The following C4orf33 variants were observed in gnomAD, a reference collection of about 807,000 sequenced individuals.
C4orf33 encodes the protein UPF0462 protein C4orf33.
C4orf33 carries 20 observed loss-of-function variants against 24.3 expected under a neutral mutation model. The ratio of observed to expected loss-of-function variants is 0.82; its 90% CI spans 0.58 to 1.19. The LOEUF is 1.19. C4orf33 is among the 50% of genes most tolerant of loss of function. The probability of loss-of-function intolerance (pLI) is 0.00; values close to 1 mark genes in which losing one functional copy is unlikely to be tolerated. For synonymous variants in C4orf33, 67 were observed against 76.4 expected (o/e 0.88, Z 0.64); for missense variants, 207 against 225.9 (o/e 0.92, Z 0.54).
chr4:129,098,961 T>G (rs1315372770), intron 1 of C4orf33, among the ~76,000 whole-genome samples: 1 of 152,174 alleles, frequency 6.6e-6, no homozygotes, highest in Non-Finnish European at 1.5e-5. Context: ...TCACTTTTGT[T>G]GCCATCTTGG....
chr4:129,105,575 AT>A (rs1233735160), intron 2 of C4orf33, among the ~76,000 whole-genome samples: 1 of 152,198 alleles, frequency 6.6e-6, no homozygotes, highest in African/African-American at 2.4e-5. Flanking sequence ...CTATTTTATT[AT>A]AAAAATAACA....
chr4:129,113,084 C>A lies in C4orf33; in HGVS notation c.*1293C>A, dbSNP rs915458928. On this transcript the variant is annotated 3_prime_UTR_variant, in exon 6 of 6. Transcript: ENST00000425929. The stretch of plus-strand genomic sequence containing the variant: ...GAGCATCTTGATTTTAGAAGCGAAT[C>A]GAACACTGTGAATCACAGTTTCAGA... 2 of 151,952 alleles carry A rather than the reference C, an allele frequency of 1.3e-5. No individual in the cohort carries two copies. Among genetic ancestry groups the A allele is most frequent in the African/African-American group, 4.8e-5 (2 of 41,390 alleles). The allele number at this position is 151,952 out of a possible 1,614,324, so 9.4% of individuals were successfully genotyped here. A position where few individuals can be genotyped will look rare whatever the true frequency, so the allele number is the denominator to read the frequency against.
chr4:129,107,738 T>TA (rs1281371655), intron 3 of C4orf33, among the ~76,000 whole-genome samples: 3 of 152,186 alleles, frequency 2.0e-5, no homozygotes, highest in African/African-American at 4.8e-5. Flanking sequence ...TGCTTATTTT[T>TA]ACCCTACAGG....
rs1414409476 is a variant in C4orf33, at chr4:129,116,018, C to A, written c.*4227C>A. The stretch of plus-strand genomic sequence containing the variant: ...TTGACTATTGTAACTCTATTTTTTA[C>A]CAACTATCATTTTTCATGGAAGGAA... On this transcript the variant is annotated 3_prime_UTR_variant, in exon 6 of 6. Transcript: ENST00000425929. 2 of 151,112 alleles carry A rather than the reference C, an allele frequency of 1.3e-5. No homozygotes were observed. The highest frequency in any genetic ancestry group is 2.9e-5 in the Non-Finnish European group (2 of 67,810). 9.4% of individuals were successfully genotyped at this position (151,112 alleles called of 1,614,324 possible). A position where few individuals can be genotyped will look rare whatever the true frequency, so the allele number is the denominator to read the frequency against.
Position 129,112,640 on chromosome 4 carries a change from T to C in C4orf33, c.*849T>C, listed in dbSNP as rs1367475924. The C allele has an allele frequency of 6.6e-6, 1 of 152,210 alleles. No homozygotes were observed. The highest frequency in any genetic ancestry group is 1.5e-5 in the Non-Finnish European group (1 of 68,018). The allele number at this position is 152,210 out of a possible 1,614,324, so 9.4% of individuals were successfully genotyped here. ...TATGTAAATTAATTCCTTAATAAAA[T>C]ACTATTATAAAATAAGCTGTAAATT... On this transcript the variant is annotated 3_prime_UTR_variant, in exon 6 of 6. Coordinates refer to ENST00000425929, the MANE Select transcript of C4orf33 (RefSeq NM_001099783.2).
At position 129,109,632 on chromosome 4, in the gene C4orf33, G is replaced by T; in HGVS notation, c.454G>T (p.Val152Leu). The change falls in exon 5 of 6, where the codon GTA (valine) becomes TTA (leucine). Residue 152 changes from valine to leucine, a missense_variant. By Grantham distance (32) the Val-to-Leu change is conservative. Transcript: ENST00000425929. ...ACGAAGTTATGAAGCTCTTTACCCT[G>T]TACCTCAGCATGAACTGCAGCAAGG... ...DKRSYEALYP[V>L]PQHELQQGQK... is the part of the protein sequence containing the mutation. 1 of 1,613,964 alleles carries T rather than the reference G, an allele frequency of 6.2e-7. No individual in the cohort carries two copies. Among genetic ancestry groups the T allele is most frequent in the Non-Finnish European group, 8.5e-7 (1 of 1,179,982 alleles).
intron 1 of C4orf33, chr4:129,102,142 TAAATA>T (rs1415894554): frequency 4.6e-5 from 7 of 152,130 alleles, no homozygotes; most frequent in African/African-American, 1.7e-4. Context: ...CACTTTACAA[TAAATA>T]AAAGACAAAG....
At chr4:129,108,342 C>G (rs1367944362) in intron 3 of C4orf33, among the ~76,000 whole-genome samples, 1 of 152,022 alleles carries the variant, frequency 6.6e-6, no homozygotes, top group Non-Finnish European at 1.5e-5. Context: ...TTCTTAATGA[C>G]CTGGCTAGTC....
At chr4:129,096,613 C>G (rs1753214683) in intron 1 of C4orf33, among the ~76,000 whole-genome samples, 2 of 152,006 alleles carry the variant, frequency 1.3e-5, no homozygotes, top group Non-Finnish European at 2.9e-5. Flanking sequence ...TCCTTCGTTT[C>G]CTTTTAGAGG....
intron 1 of C4orf33, among the ~76,000 whole-genome samples, chr4:129,099,479 A>G (rs1396323498): frequency 1.3e-5 from 2 of 152,216 alleles, no homozygotes; most frequent in Non-Finnish European, 2.9e-5. Context: ...CTCCTGCACA[A>G]AATCTAGAGT....
In C4orf33 at chr4:129,112,064, G is replaced by C. The variant is rs1422036509; in HGVS notation, c.*273G>C. On this transcript the variant is annotated 3_prime_UTR_variant, in exon 6 of 6. Coordinates refer to ENST00000425929, the MANE Select transcript of C4orf33 (RefSeq NM_001099783.2). Reference sequence around the variant, plus strand: ...CCCAGCACACAGTACAGTTATTCTTGAAAACTACAAGTGAAAAAGGGGGAA... The same window carrying C: ...CCCAGCACACAGTACAGTTATTCTTCAAAACTACAAGTGAAAAAGGGGGAA... 1.2e-5 allele frequency: 3 copies of C among 240,796 alleles called. No homozygotes were observed. The highest frequency in any genetic ancestry group is 6.8e-5 in the African/African-American group (3 of 44,258). 14.9% of individuals were successfully genotyped at this position (240,796 alleles called of 1,614,324 possible).
chr4:129,104,900 A>C (rs990333794), intron 2 of C4orf33, among the ~76,000 whole-genome samples: 1 of 152,140 alleles, frequency 6.6e-6, no homozygotes, highest in African/African-American at 2.4e-5. Context: ...GAGAAGCTGC[A>C]AAAGTATTTG....
chr4:129,111,794 GTAA>G lies in C4orf33; in HGVS notation c.*6_*8del. On this transcript the variant is annotated 3_prime_UTR_variant, in exon 6 of 6. Coordinates refer to ENST00000425929, the MANE Select transcript of C4orf33 (RefSeq NM_001099783.2). ...TAATAGAGAAATGTGATATATAGGA[GTAA>G]TAGATAACCATACCGATCATTTTTT... 6.6e-7 allele frequency: 1 copy of G among 1,524,268 alleles called. No homozygotes were observed. The highest frequency in any genetic ancestry group is 2.3e-5 in the East Asian group (1 of 44,296). 94.4% of individuals were successfully genotyped at this position (1,524,268 alleles called of 1,614,324 possible).
rs1753746220 is a variant in C4orf33, at chr4:129,114,605, G to T, written c.*2814G>T. 6.6e-6 allele frequency: 1 copy of T among 152,208 alleles called. No homozygotes were observed. The highest frequency in any genetic ancestry group is 2.4e-5 in the African/African-American group (1 of 41,438). 9.4% of individuals were successfully genotyped at this position (152,208 alleles called of 1,614,324 possible). On this transcript the variant is annotated 3_prime_UTR_variant, in exon 6 of 6. Transcript: ENST00000425929. ...GCAGCCCTAGAAAGCCGTTCGTCAG[G>T]ATGAGAATCTAGAATTGTATCACAG...
rs1284333897 is a variant in C4orf33, at chr4:129,113,710, G to A, written c.*1919G>A. ...TGTAAGTCACAGTCTGAAGGGAAAT[G>A]TGCTTTTTATTTTTGGCTCCAAACT... is the stretch of plus-strand genomic sequence containing the variant. On this transcript the variant is annotated 3_prime_UTR_variant, in exon 6 of 6. Coordinates refer to ENST00000425929, the MANE Select transcript of C4orf33 (RefSeq NM_001099783.2). The A allele has an allele frequency of 6.6e-6, 1 of 152,044 alleles. No individual in the cohort carries two copies. Among genetic ancestry groups the A allele is most frequent in the Non-Finnish European group, 1.5e-5 (1 of 68,004 alleles). The allele number at this position is 152,044 out of a possible 1,614,324, so 9.4% of individuals were successfully genotyped here.
At position 129,115,675 on chromosome 4, in the gene C4orf33, C is replaced by G. The variant is rs577071212; in HGVS notation, c.*3884C>G. On this transcript the variant is annotated 3_prime_UTR_variant, in exon 6 of 6. Coordinates refer to ENST00000425929, the MANE Select transcript of C4orf33 (RefSeq NM_001099783.2). ...TTTTCCAAAGTTCCCAATCCCATTC[C>G]TTAGAATCACATTCCAAAATTAATG... The G allele has an allele frequency of 4.0e-5, 6 of 151,862 alleles. No homozygotes were observed. In the South Asian group the frequency reaches 1.0e-3, roughly 26 times the overall value. The allele number at this position is 151,862 out of a possible 1,614,324, so 9.4% of individuals were successfully genotyped here. A position where few individuals can be genotyped will look rare whatever the true frequency, so the allele number is the denominator to read the frequency against.
intron 1 of C4orf33, among the ~76,000 whole-genome samples, chr4:129,101,122 A>G (rs1229544706): frequency 6.6e-6 from 1 of 152,218 alleles, no homozygotes; most frequent in Admixed American, 6.5e-5. Context: ...TTATAATACC[A>G]GAATTGTTTA....
chr4:129,099,282 T>C (rs13137378), intron 1 of C4orf33, among the ~76,000 whole-genome samples: 23,250 of 152,102 alleles, frequency 0.15, 1,873 homozygotes, highest in South Asian at 0.21. Context: ...CCCAAACTCC[T>C]GTAGACTTAT....
chr4:129,111,304 AC>A lies in C4orf33; in HGVS notation c.495-381del, dbSNP rs140529967. ...AGTCTATCTTATCAATGGAACTGAAACTTTTCAAAACAATTGCTTATATGAC... is the reference window on the plus strand; with the variant it reads ...AGTCTATCTTATCAATGGAACTGAAATTTTCAAAACAATTGCTTATATGAC... On this transcript the variant is annotated intron_variant, in intron 5 of 5. Transcript: ENST00000425929. 5.0e-3 allele frequency among the ~76,000 whole-genome samples: 761 copies of A among 152,356 alleles called. 6 individuals are homozygous for A. The highest frequency in any genetic ancestry group is 0.017 in the African/African-American group (714 of 41,592).
Sources: gnomAD v4.1 joint callset for allele counts (sites outside exome capture counted in the v4.1 genomes callset) on GRCh38, gnomAD v4.1.1 for gene constraint, MANE v1.5 for transcripts, NCBI Gene and HGNC (gene_info 2026-07-23, HGNC 2026-07-21) for gene names.